DYNC2H1: variants seen among roughly 807,000 people sequenced by gnomAD.
DYNC2H1 encodes dynein cytoplasmic 2 heavy chain 1.
In DYNC2H1, 410 loss-of-function variants were observed where a neutral mutation model predicts 570.0. That is an observed-to-expected ratio of 0.72 (90% CI 0.66 to 0.78). DYNC2H1 has a LOEUF of 0.78. Among genes scored for constraint, DYNC2H1 ranks in the 30% least tolerant of loss-of-function variants. The probability of loss-of-function intolerance (pLI) is 0.00; values close to 1 mark genes in which losing one functional copy is unlikely to be tolerated. For missense variants in DYNC2H1, 4,865 were observed against 5,046.4 expected (o/e 0.96, Z 1.09); for synonymous variants, 1,688 against 1,677.6 (o/e 1.01, Z -0.15).
intron 87 of DYNC2H1, among the ~76,000 whole-genome samples, chr11:103,463,763 CAAACAAAATA>C (rs1945099085): frequency 6.6e-6 from 1 of 152,032 alleles, no homozygotes; most frequent in African/African-American, 2.4e-5. Flanking sequence ...AATAACCAAA[CAAACAAAATA>C]AAGCTGTTGC....
At chr11:103,474,393 A>G (rs1945487239) in intron 88 of DYNC2H1, among the ~76,000 whole-genome samples, 2 of 152,318 alleles carry the variant, frequency 1.3e-5, no homozygotes, top group East Asian at 1.9e-4. Context: ...AATAAGTTGG[A>G]CTGTGCATAG....
intron 75 of DYNC2H1, among the ~76,000 whole-genome samples, chr11:103,292,557 C>G (rs889773257): frequency 2.6e-5 from 4 of 152,174 alleles, no homozygotes; most frequent in Non-Finnish European, 2.9e-5. Flanking sequence ...ATATACGTCC[C>G]TAGCAAATCT....
At chr11:103,392,812 A>C (rs1183647930) in intron 83 of DYNC2H1, among the ~76,000 whole-genome samples, 1 of 152,128 alleles carries the variant, frequency 6.6e-6, no homozygotes, top group Non-Finnish European at 1.5e-5. Context: ...CAAGTACAAA[A>C]ATCTCAAATG....
At chr11:103,149,463 G>A (rs1167091444) in intron 20 of DYNC2H1, among the ~76,000 whole-genome samples, 4 of 152,168 alleles carry the variant, frequency 2.6e-5, no homozygotes, top group Non-Finnish European at 2.9e-5. Context: ...ACAAACTTAT[G>A]TGCCCCCACT....
At chr11:103,435,389 A>C (rs1944023983) in intron 84 of DYNC2H1, among the ~76,000 whole-genome samples, 1 of 152,170 alleles carries the variant, frequency 6.6e-6, no homozygotes, top group African/African-American at 2.4e-5. Flanking sequence ...ACTTGTGAAG[A>C]GTCTGCATTA....
intron 52 of DYNC2H1, among the ~76,000 whole-genome samples, chr11:103,208,299 C>T (rs1863016617): frequency 6.6e-6 from 1 of 151,824 alleles, no homozygotes; most frequent in African/African-American, 2.4e-5. Flanking sequence ...GAGCCAAGAG[C>T]TAAAATTATT....
rs150889264 is a variant in DYNC2H1 at position 103,290,209 on chromosome 11, A to G, written c.11095+2604A>G. Among the ~76,000 whole-genome samples, 469 of 152,206 alleles carry G rather than the reference A, an allele frequency of 3.1e-3. 1 individual carries two copies. Among genetic ancestry groups the G allele is most frequent in the Middle Eastern group, 0.024 (7 of 294 alleles). Reference sequence around the variant, plus strand: ...TTTTTTTGGGTTGGGGGGAGACACAATTTAACCCATAACACCTACCAACCA... The same window carrying G: ...TTTTTTTGGGTTGGGGGGAGACACAGTTTAACCCATAACACCTACCAACCA... On this transcript the variant is annotated intron_variant, in intron 75 of 88. Transcript: ENST00000375735.
chr11:103,287,443 ATTTG>A (rs1349735134), intron 74 of DYNC2H1, 86 bp from the exon 75 acceptor site: 1 of 1,037,632 alleles, frequency 9.6e-7, no homozygotes, highest in African/African-American at 1.6e-5. Flanking sequence ...TTTAGTAAAC[ATTTG>A]TTTAATTAGT....
At chr11:103,237,313 T>C (rs756444868) in intron 63 of DYNC2H1, among the ~76,000 whole-genome samples, 13 of 151,990 alleles carry the variant, frequency 8.6e-5, no homozygotes, top group Non-Finnish European at 1.5e-4. Context: ...CTCCATAGTC[T>C]CAAAGAAAGC....
At chr11:103,115,068 A>G in intron 3 of DYNC2H1, 109 bp from the exon 4 acceptor site, 1 of 655,590 alleles carries the variant, frequency 1.5e-6, no homozygotes, top group Non-Finnish European at 2.6e-6. Context: ...GACCTCAGCT[A>G]GGAGCATATG....
intron 60 of DYNC2H1, among the ~76,000 whole-genome samples, chr11:103,232,141 C>T (rs1864038621): frequency 6.6e-6 from 1 of 151,876 alleles, no homozygotes; most frequent in Non-Finnish European, 1.5e-5. Context: ...TAATATTCAG[C>T]TAATTCTCAA....
intron 83 of DYNC2H1, among the ~76,000 whole-genome samples, chr11:103,374,619 C>A (rs895211849): frequency 6.6e-6 from 1 of 151,968 alleles, no homozygotes; most frequent in South Asian, 2.1e-4. Flanking sequence ...GAAGTCCAGG[C>A]TGAGGTGGTC....
intron 6 of DYNC2H1, among the ~76,000 whole-genome samples, chr11:103,119,429 T>TC (rs780370900): frequency 5.3e-5 from 8 of 152,134 alleles, no homozygotes; most frequent in South Asian, 2.1e-4. Context: ...AACCTCTGCC[T>TC]CCCAGGATCA....
At chr11:103,216,383 A>C (rs1863384228) in intron 55 of DYNC2H1, among the ~76,000 whole-genome samples, 1 of 152,152 alleles carries the variant, frequency 6.6e-6, no homozygotes, top group African/African-American at 2.4e-5. Context: ...TTATGTCTGC[A>C]TGCTCTTTCA....
chr11:103,368,800 A>G (rs1941023484), intron 83 of DYNC2H1, among the ~76,000 whole-genome samples: 1 of 152,076 alleles, frequency 6.6e-6, no homozygotes, highest in Admixed American at 6.6e-5. Context: ...GCATGTGGAT[A>G]TCTAATTTTT....
At chr11:103,136,277 G>A (rs1235598892) in intron 17 of DYNC2H1, among the ~76,000 whole-genome samples, 1 of 150,304 alleles carries the variant, frequency 6.7e-6, no homozygotes, top group Non-Finnish European at 1.5e-5. Flanking sequence ...TGTGCACAAT[G>A]TGCAGGTTAC....
At chr11:103,354,822 T>C (rs63165063) in intron 82 of DYNC2H1, among the ~76,000 whole-genome samples, 11 of 141,988 alleles carry the variant, frequency 7.7e-5, no homozygotes, top group African/African-American at 1.8e-4. Context: ...TTTTTTTTTT[T>C]CCTCAATGTT....
intron 87 of DYNC2H1, among the ~76,000 whole-genome samples, chr11:103,457,573 T>TAATGA (rs200284838): frequency 1.5e-5 from 2 of 131,922 alleles, no homozygotes; most frequent in African/African-American, 6.3e-5. Context: ...ACTTAAAAAA[T>TAATGA]AATGATATAA....
At chr11:103,474,966 G>T (rs1747174633) in intron 88 of DYNC2H1, among the ~76,000 whole-genome samples, 1 of 152,100 alleles carries the variant, frequency 6.6e-6, no homozygotes, top group Admixed American at 6.6e-5. Flanking sequence ...AAGTCATTTT[G>T]CCCAAGGCAT....
Sources: allele counts gnomAD v4.1 joint callset (sites outside exome capture counted in the v4.1 genomes callset), GRCh38; gene constraint gnomAD v4.1.1; transcripts MANE v1.5; gene names NCBI Gene and HGNC (gene_info 2026-07-23, HGNC 2026-07-21).